TWSG1: variants seen among roughly 807,000 people sequenced by gnomAD.
TWSG1 encodes twisted gastrulation protein homolog 1.
Under a neutral mutation model 23.0 loss-of-function variants are expected in TWSG1, and 15 were observed. The ratio of observed to expected loss-of-function variants is 0.65; its 90% CI spans 0.44 to 1.00. The LOEUF (loss-of-function observed/expected upper bound fraction) is 1.00. Ranked by LOEUF, TWSG1 falls within the 50% of genes least tolerant of loss-of-function variation. The pLI is 0.00. For synonymous variants in TWSG1, 86 were observed against 92.8 expected (o/e 0.93, Z 0.42); for missense variants, 242 against 278.7 (o/e 0.87, Z 0.94).
At chr18:9,384,473 A>G (rs2040672985) in intron 3 of TWSG1, among the ~76,000 whole-genome samples, 3 of 152,308 alleles carry the variant, frequency 2.0e-5, no homozygotes, top group South Asian at 2.1e-4. Context: ...CTGGTTCAAT[A>G]TGATGGTCTA....
At chr18:9,384,254 G>C (rs912791093) in intron 3 of TWSG1, among the ~76,000 whole-genome samples, 3 of 152,128 alleles carry the variant, frequency 2.0e-5, no homozygotes, top group African/African-American at 7.2e-5. Context: ...ATTGTGACAG[G>C]GAACCAAGAT....
At chr18:9,394,276 T>C (rs2040724996) in intron 3 of TWSG1, among the ~76,000 whole-genome samples, 1 of 152,184 alleles carries the variant, frequency 6.6e-6, no homozygotes, top group Non-Finnish European at 1.5e-5. Flanking sequence ...CTGGAGGACA[T>C]TATGTTAAGT....
intron 3 of TWSG1, among the ~76,000 whole-genome samples, chr18:9,374,194 G>C (rs77813508): frequency 0.015 from 2,330 of 152,134 alleles, 70 homozygotes; most frequent in African/African-American, 0.054. Context: ...ATACAAATTA[G>C]AGTAGAAATC....
chr18:9,377,270 G>A lies in TWSG1; in HGVS notation c.223+17199G>A, dbSNP rs187709062. Among the ~76,000 whole-genome samples the A allele has an allele frequency of 6.8e-3, 1,037 of 151,462 alleles. 10 individuals carry two copies. The highest frequency in any genetic ancestry group is 6.4e-3 in the Non-Finnish European group (434 of 67,886). ...GTCTTGCTCTGTTGCCCAGGCTGGC[G>A]TGCAGTGGTGCGACCTCGGCTCACT... On this transcript the variant is annotated intron_variant, in intron 3 of 4. Coordinates refer to ENST00000262120, the MANE Select transcript of TWSG1 (RefSeq NM_020648.6).
At chr18:9,396,147 C>CAAA (rs58754446) in intron 3 of TWSG1, 133 bp from the exon 4 acceptor site, 245 of 473,854 alleles carry the variant, frequency 5.2e-4, no homozygotes, top group East Asian at 2.0e-3. Flanking sequence ...GCTCACCCAG[C>CAAA]AAAAAAAAAA....
At chr18:9,356,338 C>T (rs1246786679) in intron 2 of TWSG1, among the ~76,000 whole-genome samples, 1 of 152,190 alleles carries the variant, frequency 6.6e-6, no homozygotes, top group Admixed American at 6.5e-5. Context: ...TTTAAATAGG[C>T]CGTTAGTTTT....
At chr18:9,395,329 G>T (rs1214924340) in intron 3 of TWSG1, among the ~76,000 whole-genome samples, 1 of 152,132 alleles carries the variant, frequency 6.6e-6, no homozygotes, top group Non-Finnish European at 1.5e-5. Flanking sequence ...TAAGTGATTA[G>T]TATTTTGTGG....
In TWSG1 at chr18:9,401,272, G is replaced by C. The variant is rs543508346; in HGVS notation, c.*1745G>C. ...TAGCTCCCCTTCTTCATGAGCATCTGTAGAGCTGAAAGTATTCTGGAACTT... is the reference window on the plus strand; with the variant it reads ...TAGCTCCCCTTCTTCATGAGCATCTCTAGAGCTGAAAGTATTCTGGAACTT... On this transcript the variant is annotated 3_prime_UTR_variant, in exon 5 of 5. Transcript: ENST00000262120. The C allele has an allele frequency of 3.3e-5, 5 of 152,246 alleles. No individual in the cohort carries two copies. In the South Asian group the frequency reaches 1.0e-3, roughly 32 times the overall value. The allele number at this position is 152,246 out of a possible 1,614,324, so 9.4% of individuals were successfully genotyped here. A position where few individuals can be genotyped will look rare whatever the true frequency, so the allele number is the denominator to read the frequency against.
chr18:9,355,096 C>A (rs762122990), intron 2 of TWSG1, among the ~76,000 whole-genome samples: 8 of 152,222 alleles, frequency 5.3e-5, no homozygotes, highest in African/African-American at 1.9e-4. Context: ...GCTGGGACTA[C>A]AGGCACCCGC....
At chr18:9,349,969 G>A (rs557219446) in intron 2 of TWSG1, among the ~76,000 whole-genome samples, 13 of 152,118 alleles carry the variant, frequency 8.5e-5, no homozygotes, top group Admixed American at 2.6e-4. Flanking sequence ...GTGAAACCCC[G>A]TCTCTATTAA....
At chr18:9,366,574 G>A (rs1294569502) in intron 3 of TWSG1, among the ~76,000 whole-genome samples, 7 of 152,272 alleles carry the variant, frequency 4.6e-5, no homozygotes, top group Middle Eastern at 3.4e-3. Flanking sequence ...TCTTCCTTTT[G>A]GAACATCCAG....
rs924631416 is a variant in TWSG1, at chr18:9,396,169, A to G, written c.224-111A>G. 2.3e-5 allele frequency: 16 copies of G among 701,150 alleles called. 1 individual carries two copies. Among genetic ancestry groups the G allele is most frequent in the Middle Eastern group, 7.2e-4 (2 of 2,768 alleles). The allele number at this position is 701,150 out of a possible 1,614,324, so 43.4% of individuals were successfully genotyped here. A position where few individuals can be genotyped will look rare whatever the true frequency, so the allele number is the denominator to read the frequency against. ...CAGCAAAAAAAAAAAAAAAAAAAAA[A>G]GGTAGGAAAATATCCATGTGTAATC... On this transcript the variant is annotated intron_variant, in intron 3 of 4. Transcript: ENST00000262120.
chr18:9,360,126 T>C (rs1047192880), intron 3 of TWSG1, 55 bp downstream of exon 3: 1 of 1,348,150 alleles, frequency 7.4e-7, no homozygotes. Flanking sequence ...AATCCTTGGC[T>C]TTAAGAGACT....
intron 3 of TWSG1, among the ~76,000 whole-genome samples, chr18:9,379,340 AAG>A (rs2040645724): frequency 6.6e-6 from 1 of 152,200 alleles, no homozygotes; most frequent in Non-Finnish European, 1.5e-5. Flanking sequence ...AGCCAGAAAA[AAG>A]AATGCGATCA....
chr18:9,353,912 G>A (rs780852058), intron 2 of TWSG1, among the ~76,000 whole-genome samples: 1 of 152,108 alleles, frequency 6.6e-6, no homozygotes, highest in Non-Finnish European at 1.5e-5. Flanking sequence ...TAGCCAATGA[G>A]TCCAATTTTA....
chr18:9,360,862 A>C (rs2040549319), intron 3 of TWSG1, among the ~76,000 whole-genome samples: 1 of 152,202 alleles, frequency 6.6e-6, no homozygotes, highest in African/African-American at 2.4e-5. Flanking sequence ...TCAACTTTTC[A>C]GCGTTGCACT....
At chr18:9,355,310 G>A (rs1180293925) in intron 2 of TWSG1, among the ~76,000 whole-genome samples, 1 of 152,058 alleles carries the variant, frequency 6.6e-6, no homozygotes, top group Non-Finnish European at 1.5e-5. Flanking sequence ...TTTAAATGGG[G>A]CAGTTTTTAT....
chr18:9,369,921 C>T (rs980421422), intron 3 of TWSG1, among the ~76,000 whole-genome samples: 1 of 152,176 alleles, frequency 6.6e-6, no homozygotes, highest in African/African-American at 2.4e-5. Context: ...TGTCTCTTCA[C>T]TATATTGATT....
rs77164313 is a variant in TWSG1 at position 9,337,943 on chromosome 18, C to G, written c.123+591C>G. 8.0e-3 allele frequency among the ~76,000 whole-genome samples: 1,218 copies of G among 152,308 alleles called. 18 individuals are homozygous for G. Among genetic ancestry groups the G allele is most frequent in the African/African-American group, 0.027 (1,137 of 41,566 alleles). ...TTCAAGATACTTCGAAGTTATATCT[C>G]TTCCAATCATCAAGGCAGGCCTCTT... On this transcript the variant is annotated intron_variant, in intron 2 of 4. Transcript: ENST00000262120.
Sources: gnomAD v4.1 joint callset for allele counts (sites outside exome capture counted in the v4.1 genomes callset) on GRCh38, gnomAD v4.1.1 for gene constraint, MANE v1.5 for transcripts, NCBI Gene and HGNC (gene_info 2026-07-23, HGNC 2026-07-21) for gene names.